The following TOX2 variants were observed in gnomAD, a reference collection of about 807,000 sequenced individuals.
The protein encoded by TOX2 is TOX high mobility group box family member 2, also known as granulosa cell HMG box 1.
TOX2 carries 15 observed loss-of-function variants against 47.4 expected under a neutral mutation model. The ratio of observed to expected loss-of-function variants is 0.32; its 90% CI spans 0.21 to 0.49. The LOEUF (loss-of-function observed/expected upper bound fraction) is 0.49. Among genes scored for constraint, TOX2 ranks in the 20% least tolerant of loss-of-function variants. The pLI is 0.99. For synonymous variants in TOX2, 290 were observed against 296.6 expected, an observed-to-expected ratio of 0.98 and a Z score of 0.23; for missense variants, 622 against 673.1, an observed-to-expected ratio of 0.92 and a Z score of 0.84.
chr20:43,958,799 A>G (rs1313300491), intron 1 of TOX2, among the ~76,000 whole-genome samples: 3 of 152,254 alleles, frequency 2.0e-5, no homozygotes, highest in Admixed American at 2.0e-4. Flanking sequence ...GCTCTTGCCA[A>G]TAACGGTGGG....
intron 1 of TOX2, among the ~76,000 whole-genome samples, chr20:43,944,177 G>A (rs1424861124): frequency 6.6e-6 from 1 of 152,214 alleles, no homozygotes; most frequent in Non-Finnish European, 1.5e-5. Context: ...TATCTGGTGA[G>A]CACGCACTGT....
intron 1 of TOX2, among the ~76,000 whole-genome samples, chr20:43,967,266 C>A (rs763258456): frequency 1.3e-5 from 2 of 151,916 alleles, no homozygotes; most frequent in African/African-American, 4.8e-5. Flanking sequence ...TGCTCATGGG[C>A]AAATGGGGGA....
At chr20:43,987,603 G>A (rs2070288916) in intron 2 of TOX2, among the ~76,000 whole-genome samples, 1 of 152,230 alleles carries the variant, frequency 6.6e-6, no homozygotes, top group Admixed American at 6.5e-5. Flanking sequence ...GGCAGGCAGG[G>A]AAGGGAACCT....
At chr20:43,951,180 C>G in intron 1 of TOX2, among the ~76,000 whole-genome samples, 1 of 152,154 alleles carries the variant, frequency 6.6e-6, no homozygotes, top group South Asian at 2.1e-4. Flanking sequence ...AAGAGTTTGG[C>G]TTTGGAACCA....
intron 3 of TOX2, among the ~76,000 whole-genome samples, chr20:44,039,586 G>T (rs1040547): frequency 0.67 from 102,375 of 151,974 alleles, 35,320 homozygotes; most frequent in East Asian, 0.79. Flanking sequence ...TCTCAGGGGT[G>T]AACCCAGGAA....
At chr20:43,977,869 G>A (rs1432394259) in intron 2 of TOX2, among the ~76,000 whole-genome samples, 1 of 152,168 alleles carries the variant, frequency 6.6e-6, no homozygotes, top group Non-Finnish European at 1.5e-5. Context: ...ATTTCCTGAT[G>A]ATGTGACCCA....
intron 3 of TOX2, among the ~76,000 whole-genome samples, chr20:44,035,659 G>A (rs374827377): frequency 1.5e-4 from 23 of 152,352 alleles, no homozygotes; most frequent in African/African-American, 3.4e-4. Context: ...TGGCTGATGC[G>A]TGGGGAGAGG....
At chr20:44,039,907 C>T (rs779460534) in intron 3 of TOX2, among the ~76,000 whole-genome samples, 11 of 152,184 alleles carry the variant, frequency 7.2e-5, no homozygotes, top group Admixed American at 2.0e-4. Context: ...GGAAGCTGTC[C>T]GCATGCACAA....
At chr20:43,981,833 A>G (rs2070173958) in intron 2 of TOX2, among the ~76,000 whole-genome samples, 1 of 152,208 alleles carries the variant, frequency 6.6e-6, no homozygotes, top group Admixed American at 6.5e-5. Context: ...AGGTGAGGAC[A>G]TGTAAACAGT....
intron 3 of TOX2, among the ~76,000 whole-genome samples, chr20:44,021,383 C>T (rs555869056): frequency 3.3e-5 from 5 of 152,204 alleles, no homozygotes; most frequent in South Asian, 2.1e-4. Context: ...ATTATGGGGC[C>T]GTAAGCCGAG....
chr20:43,964,579 G>A (rs368539496), intron 1 of TOX2, among the ~76,000 whole-genome samples: 10 of 152,312 alleles, frequency 6.6e-5, no homozygotes, highest in Admixed American at 3.3e-4. Context: ...TGCATCCCTA[G>A]GCTTTGATCT....
intron 4 of TOX2, among the ~76,000 whole-genome samples, chr20:44,053,630 G>T (rs77431598): frequency 9.7e-6 from 1 of 102,864 alleles, no homozygotes. Flanking sequence ...ACACACACAC[G>T]TATATACACA....
At chr20:43,993,294 G>A (rs187039347) in intron 2 of TOX2, among the ~76,000 whole-genome samples, 1 of 152,310 alleles carries the variant, frequency 6.6e-6, no homozygotes, top group East Asian at 1.9e-4. Context: ...CAATTTGGAA[G>A]GAAAGAGATT....
At chr20:43,917,683 C>T (rs1227128428) in intron 1 of TOX2, among the ~76,000 whole-genome samples, 2 of 152,182 alleles carry the variant, frequency 1.3e-5, no homozygotes, top group Non-Finnish European at 2.9e-5. Flanking sequence ...CTCTTTAAAC[C>T]AAAGTCACGA....
chr20:43,999,968 A>G (rs903785800), intron 2 of TOX2, among the ~76,000 whole-genome samples: 5 of 152,250 alleles, frequency 3.3e-5, no homozygotes, highest in Admixed American at 3.3e-4. Flanking sequence ...TGGGGAAAGA[A>G]CAGCAGGCTG....
chr20:43,945,653 A>T (rs760348982), intron 1 of TOX2: 47 of 441,784 alleles, frequency 1.1e-4, no homozygotes, highest in Non-Finnish European at 1.8e-4. Context: ...GCCGCGCTGT[A>T]CTTAGGGGCT....
chr20:43,970,389 C>A (rs529373080), intron 1 of TOX2, among the ~76,000 whole-genome samples: 64 of 152,324 alleles, frequency 4.2e-4, no homozygotes, highest in Non-Finnish European at 7.8e-4. Context: ...CTGTGCTTAT[C>A]GGGGAATGAA....
intron 2 of TOX2, among the ~76,000 whole-genome samples, chr20:43,984,428 C>T (rs1006875758): frequency 2.0e-5 from 3 of 152,190 alleles, no homozygotes; most frequent in African/African-American, 4.8e-5. Context: ...GAGCTCTTCC[C>T]CATCAACCCT....
chr20:43,989,160 C>T (rs1421054342), intron 2 of TOX2, among the ~76,000 whole-genome samples: 1 of 152,194 alleles, frequency 6.6e-6, no homozygotes, highest in Non-Finnish European at 1.5e-5. Flanking sequence ...TCAGAATCTT[C>T]ATTTTAACAG....
Sources: allele counts gnomAD v4.1 joint callset (sites outside exome capture counted in the v4.1 genomes callset), GRCh38; gene constraint gnomAD v4.1.1; transcripts MANE v1.5; gene names NCBI Gene and HGNC (gene_info 2026-07-23, HGNC 2026-07-21).